TMEM135: variants seen among roughly 807,000 people sequenced by gnomAD.
TMEM135 encodes the protein transmembrane protein 135.
Under a neutral mutation model 60.3 loss-of-function variants are expected in TMEM135, and 30 were observed. The observed-to-expected ratio is 0.50, with a 90% CI of 0.37 to 0.68. The LOEUF is 0.68. Among genes scored for constraint, TMEM135 ranks in the 30% least tolerant of loss-of-function variants. The probability of loss-of-function intolerance (pLI) is 0.00; values close to 1 mark genes in which losing one functional copy is unlikely to be tolerated. For missense variants in TMEM135, 468 were observed against 548.8 expected (o/e 0.85, Z 1.47); for synonymous variants, 190 against 186.7 (o/e 1.02, Z -0.14).
chr11:87,185,967 C>A (rs766199314), intron 5 of TMEM135, among the ~76,000 whole-genome samples: 2 of 144,140 alleles, frequency 1.4e-5, no homozygotes, highest in African/African-American at 2.6e-5. Flanking sequence ...AGTTCAGTGG[C>A]GTGATCTTGG....
At chr11:87,070,528 G>A (rs1856755975) in intron 2 of TMEM135, among the ~76,000 whole-genome samples, 1 of 151,998 alleles carries the variant, frequency 6.6e-6, no homozygotes, top group Non-Finnish European at 1.5e-5. Context: ...CAGCTACTCG[G>A]GAGGGGCTGA....
intron 1 of TMEM135, among the ~76,000 whole-genome samples, chr11:87,056,506 A>T (rs1050720781): frequency 1.1e-4 from 16 of 152,238 alleles, no homozygotes; most frequent in Admixed American, 8.5e-4. Context: ...GTAGGTGGTT[A>T]GGATTACCCT....
At chr11:87,118,081 A>AT (rs34946498) in intron 4 of TMEM135, among the ~76,000 whole-genome samples, 70,542 of 150,942 alleles carry the variant, frequency 0.47, 16,705 homozygotes, top group East Asian at 0.61. Context: ...TTTGAAAGGA[A>AT]TTTTTTTTTT....
chr11:87,225,066 AAC>A (rs1168372118), intron 5 of TMEM135, among the ~76,000 whole-genome samples: 3 of 152,182 alleles, frequency 2.0e-5, no homozygotes, highest in Non-Finnish European at 4.4e-5. Flanking sequence ...CGAGCTTCTT[AAC>A]ACAGACTATA....
chr11:87,145,462 G>T (rs1938388160), intron 4 of TMEM135, among the ~76,000 whole-genome samples: 5 of 151,872 alleles, frequency 3.3e-5, no homozygotes, highest in Admixed American at 1.3e-4. Context: ...GGGATTGCTG[G>T]GTCATATGGC....
Position 87,327,246 on chromosome 11 carries a change from T to A in TMEM135, c.*5913T>A, listed in dbSNP as rs1487933424. The stretch of plus-strand genomic sequence containing the variant: ...CCCTCTCTGCTTAAAGGAAAGTTCT[T>A]TTTACCTCTTTTTCTCTTGTTCAAG... On this transcript the variant is annotated 3_prime_UTR_variant, in exon 15 of 15. Coordinates refer to ENST00000305494, the MANE Select transcript of TMEM135 (RefSeq NM_022918.4). The A allele has an allele frequency of 4.4e-6, 2 of 454,066 alleles. No individual in the cohort carries two copies. The highest frequency in any genetic ancestry group is 4.7e-5 in the Admixed American group (2 of 42,572). The allele number at this position is 454,066 out of a possible 1,614,324, so 28.1% of individuals were successfully genotyped here.
chr11:87,129,349 T>G (rs530248123), intron 4 of TMEM135, among the ~76,000 whole-genome samples: 1 of 149,656 alleles, frequency 6.7e-6, no homozygotes, highest in South Asian at 2.1e-4. Context: ...TTCAAGCAGT[T>G]CTCCTGTCTC....
chr11:87,325,702 AT>A lies in TMEM135; in HGVS notation c.*4379del, dbSNP rs11308630. 129,578 of 446,444 alleles carry A rather than the reference AT, an allele frequency of 0.29. 19,275 individuals carry two copies. Among genetic ancestry groups the A allele is most frequent in the African/African-American group, 0.33 (16,246 of 49,300 alleles). The allele number at this position is 446,444 out of a possible 1,614,324, so 27.7% of individuals were successfully genotyped here. A position where few individuals can be genotyped will look rare whatever the true frequency, so the allele number is the denominator to read the frequency against. On this transcript the variant is annotated 3_prime_UTR_variant, in exon 15 of 15. Transcript: ENST00000305494. ...GGAGTAAACATTTCCAGAGACACTGATTTTTTTTTTATATGCTCTGTTTTTC... is the reference window on the plus strand; with the variant it reads ...GGAGTAAACATTTCCAGAGACACTGATTTTTTTTTATATGCTCTGTTTTTC...
intron 5 of TMEM135, among the ~76,000 whole-genome samples, chr11:87,186,152 G>A (rs1169100911): frequency 1.3e-5 from 2 of 151,990 alleles, no homozygotes; most frequent in Non-Finnish European, 2.9e-5. Flanking sequence ...TGATCTGCCC[G>A]CCTTGGCCTC....
intron 6 of TMEM135, among the ~76,000 whole-genome samples, chr11:87,285,801 TGCTGATTGGTCCATTTTACAGACA>T (rs1483513791): frequency 1.2e-4 from 18 of 152,206 alleles, no homozygotes; most frequent in Non-Finnish European, 2.4e-4. Context: ...ACCCTCATCC[TGCTGATTGGTCCATTTTACAGACA>T]GCTGATTGGT....
At chr11:87,276,506 A>T (rs754551508) in intron 6 of TMEM135, among the ~76,000 whole-genome samples, 1 of 61,406 alleles carries the variant, frequency 1.6e-5, no homozygotes, top group Non-Finnish European at 4.6e-5. Flanking sequence ...TCAAAAGTTT[A>T]TATATATATA....
intron 5 of TMEM135, among the ~76,000 whole-genome samples, chr11:87,236,345 A>G (rs149179024): frequency 9.4e-4 from 143 of 152,060 alleles, no homozygotes; most frequent in African/African-American, 3.3e-3. Flanking sequence ...ACTAACACTA[A>G]TGATAGTTGA....
intron 5 of TMEM135, among the ~76,000 whole-genome samples, chr11:87,174,363 A>G (rs562213637): frequency 6.6e-6 from 1 of 152,290 alleles, no homozygotes; most frequent in East Asian, 1.9e-4. Context: ...TGTAGGAAAA[A>G]AAAGAATTCT....
At position 87,327,360 on chromosome 11, in the gene TMEM135, T is replaced by C. The variant is rs1469233247; in HGVS notation, c.*6027T>C. ...GTACAAACATGAAAAACCAGCATAT[T>C]AAAGATGCCAGGTCAGAAAAATAGA... On this transcript the variant is annotated 3_prime_UTR_variant, in exon 15 of 15. Coordinates refer to ENST00000305494, the MANE Select transcript of TMEM135 (RefSeq NM_022918.4). 2.2e-6 allele frequency: 1 copy of C among 453,804 alleles called. No individual in the cohort carries two copies. Among genetic ancestry groups the C allele is most frequent in the Non-Finnish European group, 4.4e-6 (1 of 226,744 alleles). 28.1% of individuals were successfully genotyped at this position (453,804 alleles called of 1,614,324 possible).
intron 7 of TMEM135, among the ~76,000 whole-genome samples, chr11:87,300,611 G>A (rs545344593): frequency 9.8e-5 from 15 of 152,302 alleles, no homozygotes; most frequent in South Asian, 6.2e-4. Flanking sequence ...TGTGCCTGTC[G>A]TATAAGATAT....
intron 1 of TMEM135, among the ~76,000 whole-genome samples, chr11:87,057,260 A>T (rs2135123108): frequency 6.6e-6 from 1 of 152,298 alleles, no homozygotes; most frequent in South Asian, 2.1e-4. Flanking sequence ...AGGCTATTAC[A>T]GGTAAGGTAT....
intron 4 of TMEM135, among the ~76,000 whole-genome samples, chr11:87,117,874 A>T (rs1013582129): frequency 3.3e-5 from 5 of 152,220 alleles, no homozygotes; most frequent in Non-Finnish European, 7.3e-5. Context: ...CATCAGAGGA[A>T]TCATTCTCTC....
chr11:87,111,857 C>T (rs957854373), intron 4 of TMEM135, among the ~76,000 whole-genome samples: 1 of 151,796 alleles, frequency 6.6e-6, no homozygotes, highest in South Asian at 2.1e-4. Flanking sequence ...TATAGATGAG[C>T]AAAACTGAAT....
chr11:87,065,603 CT>C (rs1363389356), intron 1 of TMEM135, among the ~76,000 whole-genome samples: 8 of 152,054 alleles, frequency 5.3e-5, no homozygotes, highest in Admixed American at 5.2e-4. Flanking sequence ...GTATTTTCTT[CT>C]CTTCTGGAGC....
Sources: gnomAD v4.1 joint callset for allele counts (sites outside exome capture counted in the v4.1 genomes callset) on GRCh38, gnomAD v4.1.1 for gene constraint, MANE v1.5 for transcripts, NCBI Gene and HGNC (gene_info 2026-07-23, HGNC 2026-07-21) for gene names.